Variants in ARHGAP20 observed in about 807,000 individuals in gnomAD.
ARHGAP20 encodes Rho GTPase activating protein 20, also known as rho GTPase-activating protein 20.
ARHGAP20 carries 34 observed loss-of-function variants against 73.7 expected under a neutral mutation model. The ratio of observed to expected loss-of-function variants is 0.46; its 90% confidence interval spans 0.35 to 0.61. ARHGAP20 has a LOEUF of 0.61. ARHGAP20 is among the 20% of genes least tolerant of loss of function. The pLI is 0.00. For synonymous variants in ARHGAP20, 523 were observed against 518.2 expected (o/e 1.01, Z -0.13); for missense variants, 1,314 against 1,420.9 (o/e 0.92, Z 1.21).
In ARHGAP20 at chr11:110,626,248, G is replaced by A. The variant is rs115687694; in HGVS notation, c.354-1937C>T. On this transcript the variant is annotated intron_variant, in intron 3 of 14. Transcript: ENST00000683387. The stretch of plus-strand genomic sequence containing the variant: ...TTTTCTGATGCAAGTCTCTATCTCA[G>A]TAGATGCTGCAGATATCATGTGGGA... Among the ~76,000 whole-genome samples the A allele has an allele frequency of 4.0e-3, 612 of 152,184 alleles. 6 individuals are homozygous for A. The highest frequency in any genetic ancestry group is 0.014 in the African/African-American group (572 of 41,512).
chr11:110,643,256 T>C (rs563600625), intron 2 of ARHGAP20, among the ~76,000 whole-genome samples: 3 of 152,238 alleles, frequency 2.0e-5, no homozygotes, highest in East Asian at 3.9e-4. Flanking sequence ...TATAGATTTT[T>C]ATGTCTCGAT....
chr11:110,669,033 TAGAA>T (rs1458182596), intron 2 of ARHGAP20, among the ~76,000 whole-genome samples: 2 of 151,684 alleles, frequency 1.3e-5, no homozygotes, highest in Non-Finnish European at 2.9e-5. Context: ...AAAGAAAACA[TAGAA>T]GGAAATTTTG....
chr11:110,613,512 A>C (rs1948414945), intron 6 of ARHGAP20, among the ~76,000 whole-genome samples: 1 of 152,170 alleles, frequency 6.6e-6, no homozygotes, highest in African/African-American at 2.4e-5. Context: ...CCAAAATGAC[A>C]GTGGGACATC....
chr11:110,605,391 CA>C (rs1948201171), intron 9 of ARHGAP20, among the ~76,000 whole-genome samples: 1 of 152,152 alleles, frequency 6.6e-6, no homozygotes, highest in South Asian at 2.1e-4. Context: ...AATGCTGTTA[CA>C]ATTTCTTGAT....
rs762163437 is a variant in ARHGAP20 at position 110,690,596 on chromosome 11, C to T, written c.139G>A (p.Ala47Thr). ...GCTTTATCCAGGATAAGAGATGGAG[C>T]GCTCCTCCTCCTTTCTGCTAGTGTT... ...MKTLAERRRS[A>T]PSLILDKALQ... The change falls in exon 2 of 15, where the codon GCT becomes ACT. Residue 47 changes from alanine to threonine, a missense_variant. Physicochemically the swap from Ala to Thr is moderately conservative, Grantham distance 58. Transcript: ENST00000683387. 48 of 1,613,884 alleles carry T rather than the reference C, an allele frequency of 3.0e-5. No homozygotes were observed. In the Admixed American group the frequency reaches 5.0e-4, roughly 17 times the overall value.
chr11:110,592,675 A>G (rs745525964), intron 9 of ARHGAP20, among the ~76,000 whole-genome samples: 6 of 152,178 alleles, frequency 3.9e-5, no homozygotes, highest in South Asian at 4.1e-4. Context: ...GGAAGAAGGA[A>G]GAGAAGGGAA....
intron 2 of ARHGAP20, among the ~76,000 whole-genome samples, chr11:110,648,199 ATATATATGTAAATATATATATG>A (rs1447588445): frequency 4.1e-4 from 35 of 84,964 alleles, no homozygotes; most frequent in Admixed American, 2.6e-3. Context: ...GTAAATATAT[ATATATATGTAAATATATATATG>A]TATATATATA....
chr11:110,673,776 G>A (rs923892915), intron 2 of ARHGAP20, among the ~76,000 whole-genome samples: 1 of 152,096 alleles, frequency 6.6e-6, no homozygotes, highest in Non-Finnish European at 1.5e-5. Context: ...AATAGTAACA[G>A]TTAAGTTTCT....
chr11:110,683,914 G>T (rs1483792064), intron 2 of ARHGAP20, among the ~76,000 whole-genome samples: 1 of 152,132 alleles, frequency 6.6e-6, no homozygotes, highest in African/African-American at 2.4e-5. Context: ...CATGAGGGCA[G>T]AGCCCTTATG....
chr11:110,689,862 T>G (rs2135115393), intron 2 of ARHGAP20, among the ~76,000 whole-genome samples: 1 of 152,210 alleles, frequency 6.6e-6, no homozygotes, highest in Admixed American at 6.5e-5. Context: ...GCTGCGTACT[T>G]GTCTTCTCAA....
intron 2 of ARHGAP20, among the ~76,000 whole-genome samples, chr11:110,631,786 A>C (rs1463999087): frequency 6.6e-6 from 1 of 152,156 alleles, no homozygotes; most frequent in Non-Finnish European, 1.5e-5. Context: ...TCTCTCATGC[A>C]ATCCTGTACA....
chr11:110,660,454 CA>C (rs1949584616), intron 2 of ARHGAP20, among the ~76,000 whole-genome samples: 4 of 152,292 alleles, frequency 2.6e-5, no homozygotes, highest in Admixed American at 2.6e-4. Context: ...CAACAGTTTT[CA>C]AAAGGGGTTG....
intron 3 of ARHGAP20, among the ~76,000 whole-genome samples, chr11:110,625,569 A>T (rs1046172369): frequency 6.6e-6 from 1 of 152,162 alleles, no homozygotes; most frequent in Non-Finnish European, 1.5e-5. Context: ...AACCTAAACC[A>T]AACTTAAAAA....
chr11:110,658,463 T>A (rs1949522849), intron 2 of ARHGAP20, among the ~76,000 whole-genome samples: 1 of 152,088 alleles, frequency 6.6e-6, no homozygotes. Flanking sequence ...GCACAAAAAC[T>A]AGAATATATA....
At chr11:110,582,182 G>A (rs1591291545) in intron 14 of ARHGAP20, 139 bp downstream of exon 14, 1 of 711,888 alleles carries the variant, frequency 1.4e-6, no homozygotes, top group Admixed American at 2.5e-5. Flanking sequence ...GGATCAAAAA[G>A]CCCTGGGCCC....
At chr11:110,581,297 A>ACTATGG in intron 14 of ARHGAP20, 72 bp from the exon 15 acceptor site, 2 of 1,429,956 alleles carry the variant, frequency 1.4e-6, no homozygotes, top group Non-Finnish European at 9.3e-7. Context: ...TTAAGAACAA[A>ACTATGG]TTCTCTTTTC....
At chr11:110,706,545 T>C (rs888229858) in intron 1 of ARHGAP20, among the ~76,000 whole-genome samples, 1 of 152,186 alleles carries the variant, frequency 6.6e-6, no homozygotes, top group Non-Finnish European at 1.5e-5. Context: ...TGCATGTACA[T>C]GTTCTGATGT....
At chr11:110,704,980 G>A (rs1950527472) in intron 1 of ARHGAP20, among the ~76,000 whole-genome samples, 1 of 152,044 alleles carries the variant, frequency 6.6e-6, no homozygotes, top group South Asian at 2.1e-4. Flanking sequence ...CAAGTGTTAT[G>A]TACACACATA....
At chr11:110,665,007 C>T (rs1398628582) in intron 2 of ARHGAP20, among the ~76,000 whole-genome samples, 1 of 152,002 alleles carries the variant, frequency 6.6e-6, no homozygotes, top group African/African-American at 2.4e-5. Flanking sequence ...AGAAATCAAA[C>T]AGAGTATGTT....
Sources: allele counts gnomAD v4.1 joint callset (sites outside exome capture counted in the v4.1 genomes callset), GRCh38; gene constraint gnomAD v4.1.1; transcripts MANE v1.5; gene names NCBI Gene and HGNC (gene_info 2026-07-23, HGNC 2026-07-21).